Variants in MME observed in about 807,000 individuals in gnomAD.
MME encodes membrane metalloendopeptidase.
Under a neutral mutation model 113.2 loss-of-function variants are expected in MME, and 98 were observed. The ratio of observed to expected loss-of-function variants is 0.87; its 90% confidence interval spans 0.74 to 1.02. The LOEUF is 1.02. Among genes scored for constraint, MME ranks in the 50% least tolerant of loss-of-function variants. The pLI is 0.00. For synonymous variants in MME, 292 were observed against 300.6 expected (o/e 0.97, Z 0.30); for missense variants, 836 against 896.0 (o/e 0.93, Z 0.86).
chr3:155,097,235 G>C (rs1056697719), intron 3 of MME, among the ~76,000 whole-genome samples: 1 of 152,138 alleles, frequency 6.6e-6, no homozygotes, highest in Non-Finnish European at 1.5e-5. Flanking sequence ...ATAAAGATTC[G>C]GGGGTCATCA....
intron 3 of MME, among the ~76,000 whole-genome samples, chr3:155,106,909 T>C (rs1717735131): frequency 1.3e-5 from 2 of 152,196 alleles, no homozygotes. Context: ...CTAGAACAGT[T>C]ATAAATCAGG....
chr3:155,128,838 A>G (rs1719910304), intron 8 of MME, among the ~76,000 whole-genome samples: 1 of 152,188 alleles, frequency 6.6e-6, no homozygotes, highest in South Asian at 2.1e-4. Flanking sequence ...GAGAGGAAAC[A>G]AAAGAAAGAA....
At position 155,098,218 on chromosome 3, in the gene MME, G is replaced by A. The variant is rs115763774; in HGVS notation, c.196+13124G>A. Among the ~76,000 whole-genome samples the A allele has an allele frequency of 7.4e-3, 1,131 of 152,210 alleles. 17 individuals are homozygous for A. Among genetic ancestry groups the A allele is most frequent in the African/African-American group, 0.026 (1,069 of 41,534 alleles). ...TGATGGTTTCAGGGATGGCACCACA[G>A]GATGTACACTGGACAGAAGATATAA... On this transcript the variant is annotated intron_variant, in intron 3 of 22. Coordinates refer to ENST00000360490, the MANE Select transcript of MME (RefSeq NM_007289.4).
At chr3:155,075,194 ATCTC>A, upstream of MME, among the ~76,000 whole-genome samples, 1 of 151,746 alleles carries the variant, frequency 6.6e-6, no homozygotes, top group Non-Finnish European at 1.5e-5. Flanking sequence ...GAATTGATTA[ATCTC>A]TTTTTTTGGT....
chr3:155,077,678 C>T (rs1208590094), upstream of MME, among the ~76,000 whole-genome samples: 1 of 151,762 alleles, frequency 6.6e-6, no homozygotes, highest in Non-Finnish European at 1.5e-5. Flanking sequence ...AGTTAGAGAC[C>T]AGCCTGGGCA....
intron 3 of MME, among the ~76,000 whole-genome samples, chr3:155,102,776 G>A (rs1264494271): frequency 6.6e-6 from 1 of 152,160 alleles, no homozygotes; most frequent in East Asian, 1.9e-4. Context: ...TCACTGGGCA[G>A]GGTGACAAAG....
chr3:155,076,459 C>T (rs940958627), upstream of MME, among the ~76,000 whole-genome samples: 1 of 152,114 alleles, frequency 6.6e-6, no homozygotes, highest in East Asian at 1.9e-4. Flanking sequence ...GGATAGATAC[C>T]ACCAGGACAG....
intron 1 of MME, among the ~76,000 whole-genome samples, chr3:155,069,404 G>C (rs1173585833): frequency 6.6e-6 from 1 of 152,128 alleles, no homozygotes; most frequent in African/African-American, 2.4e-5. Flanking sequence ...TTCAGTGAGA[G>C]GGATGAAAGA....
At chr3:155,142,831 G>A (rs1391012242) in intron 12 of MME, among the ~76,000 whole-genome samples, 3 of 152,056 alleles carry the variant, frequency 2.0e-5, no homozygotes, top group Non-Finnish European at 2.9e-5. Context: ...AGGGGAGTAG[G>A]CAGTAGGGAT....
At position 155,118,815 on chromosome 3, in the gene MME, A is replaced by C; in HGVS notation, c.720+4A>C. On this transcript the variant is annotated splice_donor_region_variant and intron_variant, in intron 8 of 22. Coordinates refer to ENST00000360490, the MANE Select transcript of MME (RefSeq NM_007289.4). ...ATGCACTGGAATCTATAAAGAGGTA[A>C]AAAGAAAAAAAATAATCAAAACCAA... is the stretch of plus-strand genomic sequence containing the variant. The C allele has an allele frequency of 6.4e-7, 1 of 1,564,618 alleles. No homozygotes were observed. Among genetic ancestry groups the C allele is most frequent in the Non-Finnish European group, 8.8e-7 (1 of 1,140,430 alleles).
intron 1 of MME, among the ~76,000 whole-genome samples, chr3:155,072,558 T>A (rs141702652): frequency 9.2e-5 from 14 of 152,310 alleles, no homozygotes; most frequent in African/African-American, 3.4e-4. Context: ...TTAGCTGCAG[T>A]TGGTTTGTTT....
At chr3:155,138,603 A>G (rs1258649371) in intron 9 of MME, among the ~76,000 whole-genome samples, 3 of 152,194 alleles carry the variant, frequency 2.0e-5, no homozygotes, top group African/African-American at 4.8e-5. Context: ...ATATTACTTT[A>G]TTTTAAAGTT....
Position 155,141,993 on chromosome 3 carries a change from A to G in MME, c.960A>G (p.Pro320=), listed in dbSNP as rs745499474. The G allele has an allele frequency of 1.9e-6, 3 of 1,613,462 alleles. No individual in the cohort carries two copies. The highest frequency in any genetic ancestry group is 1.7e-5 in the Admixed American group (1 of 59,932). ...GTTTCATGCCTGCTTTTTTCCAGCC[A>G]TTCAGCTGGTTGAATTTCACAAATG... ...NNFSLEINGK[P]FSWLNFTNEI... is the part of the protein sequence containing the mutation. The change falls in exon 11 of 23, where the codon CCA becomes CCG. Residue 320 remains proline, a splice_region_variant and synonymous_variant. Transcript: ENST00000360490.
At chr3:155,148,441 T>G (rs1721685113) in intron 15 of MME, 109 bp from the exon 16 acceptor site, 1 of 730,750 alleles carries the variant, frequency 1.4e-6, no homozygotes, top group African/African-American at 1.8e-5. Context: ...TTTAATGCTC[T>G]CTTTTAACTT....
intron 1 of MME, among the ~76,000 whole-genome samples, chr3:155,074,658 C>T (rs1714685876): frequency 6.6e-6 from 1 of 152,130 alleles, no homozygotes; most frequent in Non-Finnish European, 1.5e-5. Context: ...TCTCGAACTC[C>T]TGACCTCAAG....
At chr3:155,171,881 A>G (rs918438919) in intron 20 of MME, among the ~76,000 whole-genome samples, 1 of 152,218 alleles carries the variant, frequency 6.6e-6, no homozygotes, top group African/African-American at 2.4e-5. Context: ...ATCACTTGAC[A>G]TATGCCAGGC....
chr3:155,162,392 G>GA (rs1184940440), intron 17 of MME, among the ~76,000 whole-genome samples: 1 of 152,032 alleles, frequency 6.6e-6, no homozygotes, highest in East Asian at 1.9e-4. Context: ...ACAGAAAAAG[G>GA]AAAAAGAAGG....
At chr3:155,140,934 A>T (rs1721038632) in intron 10 of MME, among the ~76,000 whole-genome samples, 1 of 152,206 alleles carries the variant, frequency 6.6e-6, no homozygotes. Context: ...TGTTCAGAAC[A>T]ATAATTCAGA....
At chr3:155,093,595 C>T (rs762101840) in intron 3 of MME, among the ~76,000 whole-genome samples, 1 of 152,098 alleles carries the variant, frequency 6.6e-6, no homozygotes, top group African/African-American at 2.4e-5. Context: ...TTTTGGCTCA[C>T]GTCTATAATC....
Sources: allele counts gnomAD v4.1 joint callset (sites outside exome capture counted in the v4.1 genomes callset), GRCh38; gene constraint gnomAD v4.1.1; transcripts MANE v1.5; gene names NCBI Gene and HGNC (gene_info 2026-07-23, HGNC 2026-07-21).